FOXP1: variants seen among roughly 807,000 people sequenced by gnomAD.
FOXP1 encodes forkhead box P1, also known as forkhead box protein P1.
A neutral mutation model predicts 98.2 loss-of-function variants in FOXP1; 15 were observed. That is an observed-to-expected ratio of 0.15 (90% CI 0.10 to 0.24). The LOEUF (loss-of-function observed/expected upper bound fraction) is 0.24. FOXP1 is among the 10% of genes least tolerant of loss of function. The pLI is 1.00. For synonymous variants in FOXP1, 371 were observed against 314.5 expected, an observed-to-expected ratio of 1.18 and a Z score of -1.90; for missense variants, 633 against 848.5, an observed-to-expected ratio of 0.75 and a Z score of 3.15.
chr3:71,271,678 C>T (rs1161700058), intron 5 of FOXP1, among the ~76,000 whole-genome samples: 1 of 152,194 alleles, frequency 6.6e-6, no homozygotes, highest in Admixed American at 6.6e-5. Flanking sequence ...CTATGTTCCA[C>T]ATGTGAATAT....
intron 4 of FOXP1, among the ~76,000 whole-genome samples, chr3:71,341,247 T>C (rs1034037545): frequency 2.6e-5 from 4 of 152,178 alleles, no homozygotes; most frequent in African/African-American, 9.7e-5. Flanking sequence ...TCAGTAAATT[T>C]AAAAGTATGT....
At chr3:71,544,492 G>GA (rs2045193997) in intron 2 of FOXP1, among the ~76,000 whole-genome samples, 1 of 151,800 alleles carries the variant, frequency 6.6e-6, no homozygotes, top group East Asian at 1.9e-4. Flanking sequence ...CAAATTCAAA[G>GA]AAAAAAGGAA....
chr3:71,019,979 T>C (rs753031584), intron 11 of FOXP1, among the ~76,000 whole-genome samples: 3 of 152,212 alleles, frequency 2.0e-5, no homozygotes, highest in Non-Finnish European at 4.4e-5. Context: ...TCAACTGGTG[T>C]TGGCCTTTTT....
At chr3:71,496,638 G>A (rs1266362147) in intron 2 of FOXP1, among the ~76,000 whole-genome samples, 1 of 152,056 alleles carries the variant, frequency 6.6e-6, no homozygotes, top group Non-Finnish European at 1.5e-5. Context: ...TGGCCAACAT[G>A]GTGAAAATCC....
chr3:71,038,661 CTT>C (rs768412342), intron 11 of FOXP1, among the ~76,000 whole-genome samples: 18 of 140,534 alleles, frequency 1.3e-4, no homozygotes, highest in Admixed American at 2.9e-4. Context: ...CTAATCATTG[CTT>C]TTTTTTTTTT....
chr3:71,476,144 C>T (rs1461924732), intron 3 of FOXP1, among the ~76,000 whole-genome samples: 4 of 152,158 alleles, frequency 2.6e-5, no homozygotes, highest in Non-Finnish European at 4.4e-5. Flanking sequence ...AAATGGTCCA[C>T]ACAATGGAAA....
At chr3:71,295,269 T>C (rs2107527249) in intron 5 of FOXP1, among the ~76,000 whole-genome samples, 1 of 152,306 alleles carries the variant, frequency 6.6e-6, no homozygotes, top group East Asian at 1.9e-4. Flanking sequence ...AAAAAGGTAG[T>C]TTTGAATGGG....
rs990725454 is a variant in FOXP1 at position 71,281,739 on chromosome 3, G to A, written c.-12+18081C>T. On this transcript the variant is annotated intron_variant, in intron 5 of 20. Coordinates refer to ENST00000649528, the MANE Select transcript of FOXP1 (RefSeq NM_001349338.3). ...AAGTTCTGAAAAGCTCGTGAGCCCA[G>A]GTCTCTCCTTCTGAACTCAGGAACA... Among the ~76,000 whole-genome samples the A allele has an allele frequency of 5.3e-5, 8 of 152,270 alleles. No individual in the cohort carries two copies. The East Asian group carries it at 1.5e-3, about 29-fold the overall frequency.
At chr3:71,322,073 T>C (rs2075421170) in intron 4 of FOXP1, among the ~76,000 whole-genome samples, 1 of 152,220 alleles carries the variant, frequency 6.6e-6, no homozygotes, top group African/African-American at 2.4e-5. Context: ...TGTATATGTG[T>C]AGAGAGGTGT....
At chr3:71,159,726 CTACCT>C (rs370420492) in intron 6 of FOXP1, among the ~76,000 whole-genome samples, 94 of 152,196 alleles carry the variant, frequency 6.2e-4, no homozygotes, top group African/African-American at 2.2e-3. Flanking sequence ...ATTCCATTTC[CTACCT>C]TACAAGAGGT....
chr3:71,469,517 C>T (rs771843010), intron 3 of FOXP1, among the ~76,000 whole-genome samples: 1 of 152,256 alleles, frequency 6.6e-6, no homozygotes, highest in Non-Finnish European at 1.5e-5. Context: ...AGGAAAGAAG[C>T]AAATTTCTTG....
intron 10 of FOXP1, among the ~76,000 whole-genome samples, chr3:71,046,064 T>A (rs2048997392): frequency 6.6e-6 from 1 of 152,186 alleles, no homozygotes; most frequent in Non-Finnish European, 1.5e-5. Context: ...ACTTTCTCTT[T>A]CCTTCCTGCC....
intron 19 of FOXP1, chr3:70,970,498 A>G (rs1575737942): frequency 1.9e-6 from 1 of 525,332 alleles, no homozygotes; most frequent in South Asian, 2.1e-5. Context: ...ACTGCTGATA[A>G]ATATTAATAA....
At chr3:71,243,931 G>C (rs1320759694) in intron 5 of FOXP1, among the ~76,000 whole-genome samples, 2 of 152,080 alleles carry the variant, frequency 1.3e-5, no homozygotes, top group African/African-American at 4.8e-5. Flanking sequence ...GAAAATAATT[G>C]AGAAATAAGT....
intron 6 of FOXP1, among the ~76,000 whole-genome samples, chr3:71,138,714 T>C (rs1486332957): frequency 6.6e-6 from 1 of 152,202 alleles, no homozygotes; most frequent in Non-Finnish European, 1.5e-5. Flanking sequence ...GAGGGAACAG[T>C]AAATGACAGA....
Position 71,041,522 on chromosome 3 carries a change from T to C in FOXP1, c.675A>G (p.Pro225=), listed in dbSNP as rs2048333412. ...CTTTCCAGAGCTGCTGCAGTTCTGTTGGAATCATGCCTGAAACAAACAAAT... is the reference window on the plus strand; with the variant it reads ...CTTTCCAGAGCTGCTGCAGTTCTGTCGGAATCATGCCTGAAACAAACAAAT... ...PLQPLAQGMI[P]TELQQLWKEV... Residue 225 remains proline (P), a synonymous_variant, in exon 11 of 21, where the codon CCA becomes CCG. Coordinates refer to ENST00000649528, the MANE Select transcript of FOXP1 (RefSeq NM_001349338.3). 1 of 1,613,642 alleles carries C rather than the reference T, an allele frequency of 6.2e-7. No individual in the cohort carries two copies. Among genetic ancestry groups the C allele is most frequent in the African/African-American group, 1.3e-5 (1 of 74,902 alleles).
chr3:71,121,125 C>A (rs1179827254), intron 6 of FOXP1, among the ~76,000 whole-genome samples: 1 of 150,968 alleles, frequency 6.6e-6, no homozygotes, highest in Non-Finnish European at 1.5e-5. Context: ...GATTTGCCTG[C>A]ATTAGCGTTG....
intron 2 of FOXP1, among the ~76,000 whole-genome samples, chr3:71,533,147 A>G (rs891746810): frequency 4.6e-5 from 7 of 152,200 alleles, no homozygotes; most frequent in Admixed American, 1.3e-4. Flanking sequence ...AAAATACCAC[A>G]TAACTCCAAC....
intron 6 of FOXP1, among the ~76,000 whole-genome samples, chr3:71,184,275 T>G (rs1405248119): frequency 6.6e-6 from 1 of 152,224 alleles, no homozygotes; most frequent in Non-Finnish European, 1.5e-5. Context: ...AGGGTGTGGC[T>G]GTTTTAAGCC....
Sources: allele counts gnomAD v4.1 joint callset (sites outside exome capture counted in the v4.1 genomes callset), GRCh38; gene constraint gnomAD v4.1.1; transcripts MANE v1.5; gene names NCBI Gene and HGNC (gene_info 2026-07-23, HGNC 2026-07-21).